AFAP1L2: variants seen among roughly 807,000 people sequenced by gnomAD.
AFAP1L2 encodes actin filament-associated protein 1-like 2.
AFAP1L2 carries 46 observed loss-of-function variants against 99.3 expected under a neutral mutation model. The ratio of observed to expected loss-of-function variants is 0.46; its 90% confidence interval spans 0.37 to 0.59. The LOEUF (loss-of-function observed/expected upper bound fraction) is 0.59. Ranked by LOEUF, AFAP1L2 falls within the 20% of genes least tolerant of loss-of-function variation. The pLI, the probability that AFAP1L2 is intolerant of heterozygous loss-of-function variation, is 0.00. For missense variants in AFAP1L2, 959 were observed against 1,034.9 expected, an observed-to-expected ratio of 0.93 and a Z score of 1.01; for synonymous variants, 397 against 419.1, an observed-to-expected ratio of 0.95 and a Z score of 0.64.
chr10:114,320,660 G>C (rs987261996), intron 5 of AFAP1L2, among the ~76,000 whole-genome samples: 2 of 152,160 alleles, frequency 1.3e-5, no homozygotes, highest in Non-Finnish European at 2.9e-5. Context: ...CCCTAGTCCC[G>C]GCTACGACCA....
intron 15 of AFAP1L2, 95 bp from the exon 16 acceptor site, chr10:114,299,510 T>C: frequency 6.7e-7 from 1 of 1,503,132 alleles, no homozygotes; most frequent in South Asian, 1.3e-5. Context: ...ACCTGGGGCT[T>C]TGGCACAAAG....
At chr10:114,292,238 C>T (rs2039670878), downstream of AFAP1L2, among the ~76,000 whole-genome samples, 1 of 152,058 alleles carries the variant, frequency 6.6e-6, no homozygotes, top group Non-Finnish European at 1.5e-5. Flanking sequence ...GATCTCACCA[C>T]TGCACTCCAG....
chr10:114,366,101 A>G (rs2053207672), intron 1 of AFAP1L2, among the ~76,000 whole-genome samples: 2 of 152,258 alleles, frequency 1.3e-5, no homozygotes, highest in South Asian at 4.2e-4. Flanking sequence ...GCTACAATGG[A>G]TAACAGAAGT....
intron 4 of AFAP1L2, among the ~76,000 whole-genome samples, chr10:114,328,275 A>C (rs1564884150): frequency 6.6e-6 from 1 of 152,152 alleles, no homozygotes; most frequent in Non-Finnish European, 1.5e-5. Flanking sequence ...GTGGCCGATA[A>C]GCATCCCGAG....
upstream of AFAP1L2, among the ~76,000 whole-genome samples, chr10:114,405,161 C>G (rs2058592565): frequency 6.6e-6 from 1 of 152,184 alleles, no homozygotes; most frequent in African/African-American, 2.4e-5. Context: ...ATTTCCAGGG[C>G]CAACGCCACA....
intron 1 of AFAP1L2, among the ~76,000 whole-genome samples, chr10:114,351,990 T>C (rs529966264): frequency 1.0e-3 from 155 of 152,318 alleles, no homozygotes; most frequent in African/African-American, 3.6e-3. Context: ...ATAGGGCTAA[T>C]AATTGTACCT....
intron 16 of AFAP1L2, 126 bp from the exon 17 acceptor site, chr10:114,297,539 T>G: frequency 9.7e-7 from 1 of 1,035,794 alleles, no homozygotes; most frequent in Non-Finnish European, 1.4e-6. Context: ...GCCCCAACAC[T>G]CAGAGCCAGG....
intron 1 of AFAP1L2, among the ~76,000 whole-genome samples, chr10:114,384,750 G>C (rs532162652): frequency 1.3e-5 from 2 of 152,200 alleles, no homozygotes; most frequent in Admixed American, 1.3e-4. Context: ...CCTACTGGGG[G>C]CTGTGCCCTG....
intron 18 of AFAP1L2, 164 bp downstream of exon 18, chr10:114,296,814 C>G: frequency 8.3e-7 from 1 of 1,200,644 alleles, no homozygotes; most frequent in Non-Finnish European, 1.2e-6. Context: ...GTGCCAGAGA[C>G]TGAGCTGAAG....
At position 114,386,867 on chromosome 10, in the gene AFAP1L2, G is replaced by A. The variant is rs566558779; in HGVS notation, c.16+17573C>T. On this transcript the variant is annotated intron_variant, in intron 1 of 18. Coordinates refer to ENST00000304129, the MANE Select transcript of AFAP1L2 (RefSeq NM_001001936.3). ...GAGGGCTTACTGGCCTCCATGCTTC[G>A]CAAAATGAGGGCACTCCCATTGCAG... is the stretch of plus-strand genomic sequence containing the variant. Among the ~76,000 whole-genome samples the A allele has an allele frequency of 7.9e-5, 12 of 152,320 alleles. No homozygotes were observed. The East Asian group carries it at 1.3e-3, about 17-fold the overall frequency.
At chr10:114,292,831 G>C (rs896247826), downstream of AFAP1L2, among the ~76,000 whole-genome samples, 4 of 151,980 alleles carry the variant, frequency 2.6e-5, no homozygotes, top group African/African-American at 9.7e-5. Context: ...TCAGCCTCTT[G>C]AGTAGCTGGG....
chr10:114,353,450 C>A (rs1403970644), intron 1 of AFAP1L2, among the ~76,000 whole-genome samples: 1 of 152,100 alleles, frequency 6.6e-6, no homozygotes, highest in East Asian at 1.9e-4. Context: ...ATTGTTGGAC[C>A]CCAAAATCTG....
At chr10:114,326,768 G>A (rs1194374822) in intron 4 of AFAP1L2, among the ~76,000 whole-genome samples, 1 of 152,138 alleles carries the variant, frequency 6.6e-6, no homozygotes, top group Non-Finnish European at 1.5e-5. Context: ...ATAAGAAGGG[G>A]AGAATAGAAA....
intron 6 of AFAP1L2, among the ~76,000 whole-genome samples, chr10:114,315,067 G>C (rs866710814): frequency 6.6e-6 from 1 of 152,220 alleles, no homozygotes; most frequent in Non-Finnish European, 1.5e-5. Context: ...CTTGAACCCA[G>C]GAGGTGGAGC....
chr10:114,293,352 G>A (rs140251955), downstream of AFAP1L2, among the ~76,000 whole-genome samples: 416 of 152,280 alleles, frequency 2.7e-3, 3 homozygotes, highest in African/African-American at 9.3e-3. Flanking sequence ...TAGGCTTTTT[G>A]TCTTGTTCCG....
intron 1 of AFAP1L2, among the ~76,000 whole-genome samples, chr10:114,384,815 G>A (rs988031635): frequency 1.2e-4 from 18 of 152,328 alleles, no homozygotes; most frequent in South Asian, 2.1e-4. Context: ...ACAGCAGTGC[G>A]GGGCCCACAC....
At chr10:114,393,017 A>G (rs1440391046) in intron 1 of AFAP1L2, among the ~76,000 whole-genome samples, 1 of 152,178 alleles carries the variant, frequency 6.6e-6, no homozygotes, top group Non-Finnish European at 1.5e-5. Context: ...CTTTCCCCCA[A>G]CACGCATGTG....
At chr10:114,318,525 G>T (rs1564850291) in intron 5 of AFAP1L2, among the ~76,000 whole-genome samples, 1 of 151,938 alleles carries the variant, frequency 6.6e-6, no homozygotes, top group East Asian at 1.9e-4. Context: ...GATCACTTGA[G>T]GTCAGGAGTT....
chr10:114,382,515 T>A (rs2055790285), intron 1 of AFAP1L2, among the ~76,000 whole-genome samples: 1 of 151,676 alleles, frequency 6.6e-6, no homozygotes, highest in South Asian at 2.1e-4. Flanking sequence ...AAACATACAT[T>A]AAGAGAAGAA....
Sources: gnomAD v4.1 joint callset for allele counts (sites outside exome capture counted in the v4.1 genomes callset) on GRCh38, gnomAD v4.1.1 for gene constraint, MANE v1.5 for transcripts, NCBI Gene and HGNC (gene_info 2026-07-23, HGNC 2026-07-21) for gene names.